Variants in PLB1 observed in about 807,000 individuals in gnomAD.
The protein encoded by PLB1 is phospholipase B1, membrane-associated.
A neutral mutation model predicts 227.4 loss-of-function variants in PLB1; 242 were observed. The observed-to-expected ratio is 1.06, with a 90% CI of 0.96 to 1.18. The LOEUF (loss-of-function observed/expected upper bound fraction) is 1.18. PLB1 is among the 50% of genes most tolerant of loss of function. PLB1 has a pLI of 0.00. For synonymous variants in PLB1, 757 were observed against 682.2 expected (o/e 1.11, Z -1.71); for missense variants, 1,858 against 1,816.3 (o/e 1.02, Z -0.42).
chr2:28,562,956 G>T, intron 17 of PLB1, 85 bp from the exon 18 acceptor site: 1 of 1,290,262 alleles, frequency 7.8e-7, no homozygotes, highest in Non-Finnish European at 1.1e-6. Flanking sequence ...TGTTATCCTG[G>T]AAGTTGTTCC....
chr2:28,628,712 C>G, intron 52 of PLB1, 84 bp downstream of exon 52: 1 of 1,360,610 alleles, frequency 7.3e-7, no homozygotes, highest in Non-Finnish European at 1.0e-6. Flanking sequence ...GTGAGATGCT[C>G]ACGGAGCAGA....
In PLB1 at chr2:28,622,877, T is replaced by C. The variant is rs1687227824; in HGVS notation, c.3527+1899T>C. On this transcript the variant is annotated intron_variant, in intron 49 of 57. Transcript: ENST00000327757. ...CTCCAGCCCGGATAACAAGAATGAA[T>C]CTCCATCTCCAAAAATAATAATAAT... Among the ~76,000 whole-genome samples the C allele has an allele frequency of 2.0e-5, 3 of 151,610 alleles. No individual in the cohort carries two copies. In the South Asian group the frequency reaches 6.3e-4, roughly 32 times the overall value.
intron 55 of PLB1, 47 bp from the exon 56 acceptor site, chr2:28,632,897 A>AAAGGAGGAGACCAGTTGAG: frequency 7.0e-7 from 1 of 1,429,840 alleles, no homozygotes; most frequent in South Asian, 1.2e-5. Context: ...GGGCTCAGGT[A>AAAGGAGGAGACCAGTTGAG]GCAGAGCCCT....
chr2:28,632,457 G>T (rs956522157), intron 55 of PLB1, among the ~76,000 whole-genome samples: 9 of 152,144 alleles, frequency 5.9e-5, no homozygotes, highest in Non-Finnish European at 1.5e-5. Context: ...TGAAAGAAAA[G>T]GGAGAGACTA....
chr2:28,574,334 T>TCC (rs766193311), intron 21 of PLB1, among the ~76,000 whole-genome samples: 4 of 43,396 alleles, frequency 9.2e-5, no homozygotes, highest in Admixed American at 3.0e-4. Context: ...CTTTAATCCC[T>TCC]CACCCCCCCC....
intron 9 of PLB1, among the ~76,000 whole-genome samples, chr2:28,536,542 T>C (rs1671703426): frequency 1.3e-5 from 2 of 152,256 alleles, no homozygotes; most frequent in African/African-American, 4.8e-5. Context: ...AACGTGTTTC[T>C]AGTTTTTGAC....
rs533396523 is a variant in PLB1, at chr2:28,519,573, T to C, written c.185-132T>C. 275 of 663,006 alleles carry C rather than the reference T, an allele frequency of 4.1e-4. No homozygotes were observed. The African/African-American group carries it at 4.6e-3, about 11-fold the overall frequency. 41.1% of individuals were successfully genotyped at this position (663,006 alleles called of 1,614,324 possible). On this transcript the variant is annotated intron_variant, in intron 3 of 57. Coordinates refer to ENST00000327757, the MANE Select transcript of PLB1 (RefSeq NM_153021.5). Reference sequence around the variant, plus strand: ...CCTGGTCTTTGGCATTCCACTTCCATGGCCAACAGACTGGACCTCCGCAGC... The same window carrying C: ...CCTGGTCTTTGGCATTCCACTTCCACGGCCAACAGACTGGACCTCCGCAGC...
intron 53 of PLB1, among the ~76,000 whole-genome samples, chr2:28,630,017 G>A (rs941190741): frequency 5.3e-5 from 8 of 152,138 alleles, no homozygotes; most frequent in Non-Finnish European, 8.8e-5. Flanking sequence ...CGCAGGGAAC[G>A]GCTCCTCCAG....
intron 56 of PLB1, among the ~76,000 whole-genome samples, chr2:28,636,518 T>C (rs1689380847): frequency 1.3e-5 from 2 of 152,148 alleles, no homozygotes; most frequent in African/African-American, 4.8e-5. Flanking sequence ...TACCAAAAGA[T>C]ACACACAAAA....
intron 17 of PLB1, among the ~76,000 whole-genome samples, chr2:28,561,813 G>A (rs912894555): frequency 7.2e-5 from 11 of 152,248 alleles, no homozygotes; most frequent in African/African-American, 1.2e-4. Flanking sequence ...ACTTGAGCCC[G>A]GGAGGTCGAG....
chr2:28,542,791 A>T (rs529763186), intron 13 of PLB1, among the ~76,000 whole-genome samples: 69 of 152,328 alleles, frequency 4.5e-4, no homozygotes, highest in African/African-American at 1.5e-3. Context: ...CCCTCCCTCC[A>T]GGCTCCTGCC....
chr2:28,633,877 T>C (rs1020629414), intron 56 of PLB1, among the ~76,000 whole-genome samples: 8 of 152,226 alleles, frequency 5.3e-5, no homozygotes, highest in African/African-American at 1.9e-4. Flanking sequence ...TTCCCTCCTT[T>C]GTCCTATGAC....
intron 1 of PLB1, among the ~76,000 whole-genome samples, chr2:28,510,778 T>TTGTGTGTGTGTGTGTGTGTGTGTGTGTG (rs55672002): frequency 3.9e-4 from 55 of 141,590 alleles, no homozygotes; most frequent in African/African-American, 1.4e-3. Flanking sequence ...ACTCAGATAA[T>TTGTGTGTGTGTGTGTGTGTGTGTGTGTG]TGTGTGTGTG....
intron 40 of PLB1, 108 bp from the exon 41 acceptor site, chr2:28,604,547 C>A (rs530464942): frequency 6.8e-6 from 5 of 737,624 alleles, no homozygotes; most frequent in Non-Finnish European, 1.1e-5. Flanking sequence ...AAGGCTGAGT[C>A]GGCCCCTCCA....
intron 12 of PLB1, among the ~76,000 whole-genome samples, chr2:28,541,166 C>T (rs893366676): frequency 7.1e-5 from 9 of 126,196 alleles, no homozygotes; most frequent in East Asian, 2.2e-4. Context: ...AGCGAGACTC[C>T]GTCTCAAAAA....
chr2:28,625,168 G>T, intron 50 of PLB1, 60 bp downstream of exon 50: 2 of 1,491,384 alleles, frequency 1.3e-6, no homozygotes, highest in Non-Finnish European at 1.9e-6. Context: ...GCTGGGGAGG[G>T]GACAGCCCCA....
intron 39 of PLB1, among the ~76,000 whole-genome samples, chr2:28,603,289 C>T (rs1684186571): frequency 6.6e-6 from 1 of 152,182 alleles, no homozygotes; most frequent in Non-Finnish European, 1.5e-5. Context: ...ACAAGCAACT[C>T]AGTTACCTTT....
At chr2:28,592,163 G>A (rs1682072501) in intron 31 of PLB1, among the ~76,000 whole-genome samples, 1 of 152,164 alleles carries the variant, frequency 6.6e-6, no homozygotes, top group African/African-American at 2.4e-5. Flanking sequence ...CAGAAGAGAT[G>A]TGGGGGCAAG....
intron 1 of PLB1, among the ~76,000 whole-genome samples, chr2:28,497,772 G>A (rs1666629989): frequency 6.6e-6 from 1 of 151,446 alleles, no homozygotes; most frequent in South Asian, 2.1e-4. Context: ...AGGCTGGAGT[G>A]CAGTGGCTTG....
Sources: allele counts gnomAD v4.1 joint callset (sites outside exome capture counted in the v4.1 genomes callset), GRCh38; gene constraint gnomAD v4.1.1; transcripts MANE v1.5; gene names NCBI Gene and HGNC (gene_info 2026-07-23, HGNC 2026-07-21).